The following NRXN2 variants were observed in gnomAD, a reference collection of about 807,000 sequenced individuals.
NRXN2 encodes neurexin 2.
Under a neutral mutation model 128.8 loss-of-function variants are expected in NRXN2, and 29 were observed. The ratio of observed to expected loss-of-function variants is 0.23; its 90% confidence interval spans 0.17 to 0.31. The LOEUF (loss-of-function observed/expected upper bound fraction) is 0.31, where lower values mean the gene tolerates loss of function less well. Among genes scored for constraint, NRXN2 ranks in the 10% least tolerant of loss-of-function variants. NRXN2 has a pLI of 1.00. For synonymous variants in NRXN2, 1,098 were observed against 1,075.2 expected, an observed-to-expected ratio of 1.02 and a Z score of -0.41; for missense variants, 1,881 against 2,452.6, an observed-to-expected ratio of 0.77 and a Z score of 4.92.
intron 21 of NRXN2, among the ~76,000 whole-genome samples, chr11:64,620,608 A>G (rs1476902277): frequency 6.6e-6 from 1 of 151,518 alleles, no homozygotes; most frequent in African/African-American, 2.4e-5. Context: ...TCCGAAGGTC[A>G]GTGAAACAGC....
chr11:64,635,026 G>C lies in NRXN2; in HGVS notation c.3585+245C>G, dbSNP rs1408329081. Reference sequence around the variant, plus strand: ...CAGAAAACACAGGTGGTCTCAGGGAGTGGGGAGCTGGAGAAATTCGAATCA... The same window carrying C: ...CAGAAAACACAGGTGGTCTCAGGGACTGGGGAGCTGGAGAAATTCGAATCA... On this transcript the variant is annotated intron_variant, in intron 18 of 22. Coordinates refer to ENST00000265459, the MANE Select transcript of NRXN2 (RefSeq NM_015080.4). The surrounding 1 kb of genome is among the most constrained non-coding windows in gnomAD (Gnocchi z 4.8). 6.6e-6 allele frequency among the ~76,000 whole-genome samples: 1 copy of C among 152,220 alleles called. No individual in the cohort carries two copies. Among genetic ancestry groups the C allele is most frequent in the African/African-American group, 2.4e-5 (1 of 41,456 alleles).
intron 19 of NRXN2, among the ~76,000 whole-genome samples, chr11:64,627,779 A>G (rs1248477080): frequency 6.6e-6 from 1 of 152,132 alleles, no homozygotes; most frequent in Non-Finnish European, 1.5e-5. Context: ...ATTTCCTTTG[A>G]GAATCTGGCC....
rs775735079 is a variant in NRXN2, at chr11:64,648,272, C to T, written c.3350G>A (p.Gly1117Asp). Reference sequence around the variant, plus strand: ...AGTCATGGTGCAGTCGCAGGTGAAGCCATCCCACTGCTGCAAGCAGACGCC... The same window carrying T: ...AGTCATGGTGCAGTCGCAGGTGAAGTCATCCCACTGCTGCAAGCAGACGCC... Reference protein sequence around the residue: ...NQGVCLQQWDGFTCDCTMTSY... With the variant: ...NQGVCLQQWDDFTCDCTMTSY... Residue 1117 changes from glycine (G) to aspartate (D), a missense_variant, in exon 17 of 23, where the codon GGC becomes GAC. By Grantham distance (94) the Gly-to-Asp change is moderately conservative. This residue lies in a region of NRXN2 where 390 missense variants were observed against 599.6 expected (regional missense o/e 0.65). Coordinates refer to ENST00000265459, the MANE Select transcript of NRXN2 (RefSeq NM_015080.4). The surrounding 1 kb of genome is among the most constrained non-coding windows in gnomAD (Gnocchi z 4.1). 6.2e-7 allele frequency: 1 copy of T among 1,614,216 alleles called. No homozygotes were observed.
chr11:64,653,826 G>T, intron 11 of NRXN2, 104 bp from the exon 12 acceptor site: 1 of 876,510 alleles, frequency 1.1e-6, no homozygotes, highest in Non-Finnish European at 1.8e-6. Flanking sequence ...TGCGGGCGGG[G>T]TTCCCCCCAG....
At chr11:64,704,405 A>C (rs927533829) in intron 2 of NRXN2, among the ~76,000 whole-genome samples, 1 of 152,158 alleles carries the variant, frequency 6.6e-6, no homozygotes, top group Non-Finnish European at 1.5e-5. Context: ...CACACTGCCT[A>C]GAAGGTAGCC....
At chr11:64,656,716 G>A (rs1445817449) in intron 11 of NRXN2, among the ~76,000 whole-genome samples, 1 of 151,668 alleles carries the variant, frequency 6.6e-6, no homozygotes, top group Non-Finnish European at 1.5e-5. Flanking sequence ...GGCCATGCTG[G>A]GATAGGGCAA....
rs2042593781 is a variant in NRXN2, at chr11:64,623,003, C to T, written c.3923G>A (p.Gly1308Asp). The T allele has an allele frequency of 6.2e-7, 1 of 1,613,042 alleles. No individual in the cohort carries two copies. The highest frequency in any genetic ancestry group is 8.5e-7 in the Non-Finnish European group (1 of 1,179,810). The part of the protein sequence containing the change: ...GGRDQGRPFQ[G>D]QVSGLYYNGL... ...ATTGTAGTAGAGGCCGGACACCTGG[C>T]CCTGGAAGGGGCGGCCCTGATCCCG... Residue 1308 changes from glycine (G) to aspartate (D), a missense_variant, in exon 21 of 23, where the codon GGC (glycine) becomes GAC (aspartate). Gly to Asp is a moderately conservative substitution (Grantham distance 94, BLOSUM62 -1). Coordinates refer to ENST00000265459, the MANE Select transcript of NRXN2 (RefSeq NM_015080.4). This position sits in a 1 kb window ranked among gnomAD's most constrained non-coding sequence, Gnocchi z 4.9.
intron 2 of NRXN2, among the ~76,000 whole-genome samples, chr11:64,709,008 A>C (rs1210915359): frequency 6.6e-6 from 1 of 152,130 alleles, no homozygotes; most frequent in Non-Finnish European, 1.5e-5. Context: ...CCTGACCAAC[A>C]TGGTGAAAAC....
At chr11:64,612,824 G>A (rs144618988) in intron 22 of NRXN2, among the ~76,000 whole-genome samples, 2 of 152,374 alleles carry the variant, frequency 1.3e-5, no homozygotes, top group African/African-American at 4.8e-5. Flanking sequence ...GCATTTCATG[G>A]GGGTTAGAAA....
chr11:64,640,465 T>G (rs1437336106), intron 17 of NRXN2, among the ~76,000 whole-genome samples: 1 of 152,014 alleles, frequency 6.6e-6, no homozygotes, highest in Non-Finnish European at 1.5e-5. Flanking sequence ...GACCATGGCC[T>G]ATCTGGGCAC....
Position 64,607,466 on chromosome 11 carries a change from C to T in NRXN2, c.4869G>A (p.Pro1623=). 2 of 1,608,074 alleles carry T rather than the reference C, an allele frequency of 1.2e-6. No homozygotes were observed. The highest frequency in any genetic ancestry group is 1.7e-5 in the Admixed American group (1 of 59,892). ...NPTGPGERGP[P]GAVEVIRESS... is the part of the protein sequence containing the mutation. ...ACTCCCGGATCACCTCCACTGCGCCCGGCGGGCCCCGCTCCCCAGGCCCTG... is the reference window on the plus strand; with the variant it reads ...ACTCCCGGATCACCTCCACTGCGCCTGGCGGGCCCCGCTCCCCAGGCCCTG... The change falls in exon 23 of 23, where the codon CCG becomes CCA. Residue 1623 remains proline (P), a synonymous_variant. Coordinates refer to ENST00000265459, the MANE Select transcript of NRXN2 (RefSeq NM_015080.4).
At chr11:64,633,669 A>G (rs1284245724) in intron 18 of NRXN2, among the ~76,000 whole-genome samples, 1 of 151,736 alleles carries the variant, frequency 6.6e-6, no homozygotes, top group Non-Finnish European at 1.5e-5. Flanking sequence ...CTATAGATAC[A>G]CTCCATCAGA....
chr11:64,688,666 G>A (rs1276132539), intron 5 of NRXN2: 1 of 985,410 alleles, frequency 1.0e-6, no homozygotes, highest in Non-Finnish European at 1.2e-6. Flanking sequence ...GCTCCGGACC[G>A]AGAAAGGAAG....
chr11:64,644,366 C>A (rs1227913053), intron 17 of NRXN2, among the ~76,000 whole-genome samples: 1 of 152,130 alleles, frequency 6.6e-6, no homozygotes, highest in Non-Finnish European at 1.5e-5. Context: ...TCCTCCAATC[C>A]TTCCTCTCCA....
chr11:64,692,808 GCAATC>G, intron 4 of NRXN2, 34 bp downstream of exon 4: 1 of 1,612,804 alleles, frequency 6.2e-7, no homozygotes, highest in Non-Finnish European at 8.5e-7. Context: ...CAGGTTGGGG[GCAATC>G]CAATCCAAAC....
chr11:64,700,705 T>G (rs978478200), intron 2 of NRXN2, among the ~76,000 whole-genome samples: 7 of 152,200 alleles, frequency 4.6e-5, no homozygotes, highest in African/African-American at 1.7e-4. Flanking sequence ...CCTGACCCTC[T>G]TGGCAGAGGT....
chr11:64,634,413 G>T (rs1404534297), intron 18 of NRXN2, among the ~76,000 whole-genome samples: 1 of 152,182 alleles, frequency 6.6e-6, no homozygotes, highest in Non-Finnish European at 1.5e-5. Flanking sequence ...GTAGGGCAGA[G>T]CCAGAGATGG....
At chr11:64,703,591 C>A (rs1354691183) in intron 2 of NRXN2, among the ~76,000 whole-genome samples, 1 of 152,146 alleles carries the variant, frequency 6.6e-6, no homozygotes, top group Non-Finnish European at 1.5e-5. Flanking sequence ...AAAACACAAC[C>A]AACTTTGTCT....
chr11:64,693,526 G>A (rs1180067312), intron 3 of NRXN2, among the ~76,000 whole-genome samples: 1 of 152,106 alleles, frequency 6.6e-6, no homozygotes, highest in East Asian at 1.9e-4. Context: ...GGTAGAAAAG[G>A]GGGAAAGATG....
Sources: allele counts gnomAD v4.1 joint callset (sites outside exome capture counted in the v4.1 genomes callset), GRCh38; gene constraint gnomAD v4.1.1; regional missense constraint gnomAD v4.1.1; non-coding constraint Gnocchi (gnomAD v3.1); transcripts MANE v1.5; gene names NCBI Gene and HGNC (gene_info 2026-07-23, HGNC 2026-07-21).